DCK: variants seen among roughly 807,000 people sequenced by gnomAD.
DCK encodes deoxycytidine kinase, also known as deoxyadenosine kinase.
DCK carries 23 observed loss-of-function variants against 38.3 expected under a neutral mutation model. The observed-to-expected ratio is 0.60, with a 90% CI of 0.43 to 0.85. DCK has a LOEUF of 0.85. Ranked by LOEUF, DCK falls within the 40% of genes least tolerant of loss-of-function variation. The pLI is 0.00. For synonymous variants in DCK, 108 were observed against 100.6 expected (o/e 1.07, Z -0.44); for missense variants, 259 against 304.4 (o/e 0.85, Z 1.11).
intron 2 of DCK, among the ~76,000 whole-genome samples, chr4:71,012,242 C>G (rs182049639): frequency 8.5e-5 from 13 of 152,160 alleles, no homozygotes; most frequent in African/African-American, 3.1e-4. Context: ...ATTGCTGAGG[C>G]TTGGGTAGGT....
chr4:70,993,802 C>A lies in DCK; in HGVS notation c.-34C>A. On this transcript the variant is annotated 5_prime_UTR_variant, in exon 1 of 7. Transcript: ENST00000286648. ...CGTGGCCGCCTCCCAGCCCTCTTTG[C>A]CGGACGAGCTCTGGGCCGCCACAAG... 6.5e-7 allele frequency: 1 copy of A among 1,527,610 alleles called. No homozygotes were observed. The highest frequency in any genetic ancestry group is 9.0e-7 in the Non-Finnish European group (1 of 1,106,958). 94.6% of individuals were successfully genotyped at this position (1,527,610 alleles called of 1,614,324 possible).
rs1015420064 is a variant in DCK at position 71,004,737 on chromosome 4, C to G, written c.207+6555C>G. 2.6e-5 allele frequency among the ~76,000 whole-genome samples: 4 copies of G among 152,332 alleles called. No individual in the cohort carries two copies. In the East Asian group the frequency reaches 5.8e-4, roughly 22 times the overall value. On this transcript the variant is annotated intron_variant, in intron 2 of 6. Coordinates refer to ENST00000286648, the MANE Select transcript of DCK (RefSeq NM_000788.3). ...GTGGGCTCTGCCCAGCTTGAACTTC[C>G]AGGTGGTTTTGTTTACACTGTGAGG...
intron 2 of DCK, among the ~76,000 whole-genome samples, chr4:71,009,958 C>T (rs775435695): frequency 2.6e-5 from 4 of 152,092 alleles, no homozygotes; most frequent in Non-Finnish European, 5.9e-5. Context: ...ACCCACTATT[C>T]AAATGTCAAT....
chr4:70,994,812 A>G (rs1448461194), intron 1 of DCK, among the ~76,000 whole-genome samples: 1 of 152,322 alleles, frequency 6.6e-6, no homozygotes, highest in East Asian at 1.9e-4. Context: ...TTCAAAGACC[A>G]CTAACGTTTC....
chr4:71,022,380 C>A lies in DCK; in HGVS notation c.221C>A (p.Ser74Tyr), dbSNP rs1364359609. Reference sequence around the variant, plus strand: ...CATTCAAAATAGGAACTTACAATGTCTCAGAAAAATGGTGGGAATGTTCTT... The same window carrying A: ...CATTCAAAATAGGAACTTACAATGTATCAGAAAAATGGTGGGAATGTTCTT... ...TQDEFEELTMSQKNGGNVLQM... is the reference protein window; with the variant it reads ...TQDEFEELTMYQKNGGNVLQM... Residue 74 changes from serine to tyrosine, a missense_variant, in exon 3 of 7, where the codon TCT (serine) becomes TAT (tyrosine). Ser to Tyr is a moderately radical substitution (Grantham distance 144, BLOSUM62 -2). This residue lies in a region of DCK where 159 missense variants were observed against 159.0 expected (regional missense o/e 1.00). Transcript: ENST00000286648. 5.3e-6 allele frequency: 8 copies of A among 1,520,492 alleles called. No individual in the cohort carries two copies. Among genetic ancestry groups the A allele is most frequent in the Non-Finnish European group, 7.1e-6 (8 of 1,133,984 alleles). 94.2% of individuals were successfully genotyped at this position (1,520,492 alleles called of 1,614,324 possible).
chr4:71,002,335 T>G (rs1269450018), intron 2 of DCK, among the ~76,000 whole-genome samples: 1 of 152,236 alleles, frequency 6.6e-6, no homozygotes, highest in Non-Finnish European at 1.5e-5. Context: ...TGACAGACTG[T>G]TATGATTTCC....
chr4:71,028,110 A>T (rs16845668), intron 6 of DCK, among the ~76,000 whole-genome samples: 3 of 152,192 alleles, frequency 2.0e-5, no homozygotes, highest in Non-Finnish European at 2.9e-5. Context: ...ACACACTGAC[A>T]TTGCAAAGTA....
At chr4:71,026,276 CTT>C (rs1031576288) in intron 5 of DCK, among the ~76,000 whole-genome samples, 3 of 152,040 alleles carry the variant, frequency 2.0e-5, no homozygotes, top group Non-Finnish European at 4.4e-5. Context: ...AGAGGATAGA[CTT>C]TGTTATTAGT....
chr4:71,022,549 G>C lies in DCK; in HGVS notation c.390G>C (p.Val130=). The part of the protein sequence containing the change: ...EKPVLFFERS[V]YSDRYIFASN... Reference sequence around the variant, plus strand: ...CTGTATTATTTTTTGAACGATCTGTGTATAGTGACAGGTATGTATAAATGG... The same window carrying C: ...CTGTATTATTTTTTGAACGATCTGTCTATAGTGACAGGTATGTATAAATGG... Residue 130 remains valine, a synonymous_variant, in exon 3 of 7, where the codon GTG becomes GTC. Coordinates refer to ENST00000286648, the MANE Select transcript of DCK (RefSeq NM_000788.3). The C allele has an allele frequency of 6.4e-7, 1 of 1,557,102 alleles. No homozygotes were observed. The highest frequency in any genetic ancestry group is 8.6e-7 in the Non-Finnish European group (1 of 1,156,200).
intron 1 of DCK, among the ~76,000 whole-genome samples, chr4:70,996,082 G>A (rs974219202): frequency 7.2e-5 from 11 of 152,070 alleles, no homozygotes; most frequent in Admixed American, 5.9e-4. Context: ...AGTGGATCAC[G>A]CCTGTAGCTC....
At chr4:71,026,807 C>A in intron 6 of DCK, 52 bp downstream of exon 6, 1 of 878,090 alleles carries the variant, frequency 1.1e-6, no homozygotes, top group Non-Finnish European at 1.8e-6. Flanking sequence ...AAAAAGTGTA[C>A]TGAGTGGTGA....
intron 2 of DCK, among the ~76,000 whole-genome samples, chr4:71,017,283 G>C (rs1472051115): frequency 1.3e-5 from 2 of 152,192 alleles, no homozygotes; most frequent in Non-Finnish European, 2.9e-5. Context: ...GGAGACAACA[G>C]GTGCTGCAGA....
At chr4:71,021,340 G>A (rs1386761335) in intron 2 of DCK, among the ~76,000 whole-genome samples, 1 of 152,116 alleles carries the variant, frequency 6.6e-6, no homozygotes, top group Non-Finnish European at 1.5e-5. Flanking sequence ...CTCCCAAAGT[G>A]CTGGGATTAC....
intron 2 of DCK, among the ~76,000 whole-genome samples, chr4:71,001,597 C>T (rs1298273395): frequency 6.6e-6 from 1 of 152,120 alleles, no homozygotes; most frequent in Non-Finnish European, 1.5e-5. Flanking sequence ...TAGAATTCAG[C>T]TGTGAATCCA....
At chr4:71,015,685 CAT>C (rs1740243405) in intron 2 of DCK, among the ~76,000 whole-genome samples, 1 of 152,190 alleles carries the variant, frequency 6.6e-6, no homozygotes, top group Non-Finnish European at 1.5e-5. Context: ...ACAAAAACCA[CAT>C]GATTATCTCA....
chr4:71,029,374 T>C lies in DCK; in HGVS notation c.779T>C (p.Leu260Ser), dbSNP rs1245192092. 1 of 1,608,878 alleles carries C rather than the reference T, an allele frequency of 6.2e-7. No homozygotes were observed. Among genetic ancestry groups the C allele is most frequent in the Non-Finnish European group, 8.5e-7 (1 of 1,176,500 alleles). ...CAGGTCAAAGAGTTTTTGAGTACTT[T>C]GTGATCTTGCTGAAGACTACAGGCA... Reference protein sequence around the residue: ...VEKVKEFLSTL With the variant: ...VEKVKEFLSTS The change falls in exon 7 of 7, where the codon TTG (leucine) becomes TCG (serine). Residue 260 changes from leucine to serine, a missense_variant. Around this residue, in one of 3 missense-constraint regions of DCK, gnomAD observed 82 missense variants for 103.8 expected, o/e 0.79. Transcript: ENST00000286648.
chr4:71,016,110 A>G (rs892393210), intron 2 of DCK, among the ~76,000 whole-genome samples: 1 of 152,246 alleles, frequency 6.6e-6, no homozygotes, highest in Non-Finnish European at 1.5e-5. Context: ...TCAATGTGCA[A>G]AAATCACAAG....
At chr4:70,994,714 C>T (rs1053421816) in intron 1 of DCK, among the ~76,000 whole-genome samples, 1 of 152,144 alleles carries the variant, frequency 6.6e-6, no homozygotes, top group African/African-American at 2.4e-5. Flanking sequence ...TCGAAACATT[C>T]GAGTACAAGC....
chr4:71,023,342 A>T (rs72552075), intron 3 of DCK, among the ~76,000 whole-genome samples: 42 of 152,264 alleles, frequency 2.8e-4, no homozygotes, highest in African/African-American at 1.0e-3. Flanking sequence ...CTCTCACAGA[A>T]CCCCTTAGAA....
Sources: gnomAD v4.1 joint callset for allele counts (sites outside exome capture counted in the v4.1 genomes callset) on GRCh38, gnomAD v4.1.1 for gene constraint, gnomAD v4.1.1 regional missense constraint, MANE v1.5 for transcripts, NCBI Gene and HGNC (gene_info 2026-07-23, HGNC 2026-07-21) for gene names.